The following LAMC3 variants were observed in gnomAD, a reference collection of about 807,000 sequenced individuals.
LAMC3 encodes the protein laminin subunit gamma 3, also known as laminin subunit gamma-3.
In LAMC3, 128 loss-of-function variants were observed where a neutral mutation model predicts 173.8. The ratio of observed to expected loss-of-function variants is 0.74; its 90% CI spans 0.64 to 0.85. LAMC3 has a LOEUF of 0.85. LAMC3 is among the 40% of genes least tolerant of loss of function. LAMC3 has a pLI of 0.00. For missense variants in LAMC3, 2,022 were observed against 2,156.0 expected, an observed-to-expected ratio of 0.94 and a Z score of 1.23; for synonymous variants, 897 against 909.1, an observed-to-expected ratio of 0.99 and a Z score of 0.24.
intron 10 of LAMC3, 81 bp from the exon 11 acceptor site, chr9:131,052,769 C>A: frequency 7.2e-7 from 1 of 1,386,670 alleles, no homozygotes; most frequent in Non-Finnish European, 1.0e-6. Flanking sequence ...CCCCTGTAGT[C>A]TGGGGGGCTA....
chr9:131,031,897 G>T (rs1057412044), intron 2 of LAMC3, 148 bp from the exon 3 acceptor site: 55 of 1,364,810 alleles, frequency 4.0e-5, no homozygotes, highest in Non-Finnish European at 5.6e-5. Context: ...CCTTATTTCT[G>T]CAGTGTTCTC....
Position 131,085,783 on chromosome 9 carries a change from G to A in LAMC3, c.4230+60G>A, listed in dbSNP as rs529245536. 3.5e-4 allele frequency: 542 copies of A among 1,532,138 alleles called. 2 individuals carry two copies. In the African/African-American group the frequency reaches 6.6e-3, roughly 19 times the overall value. 94.9% of individuals were successfully genotyped at this position (1,532,138 alleles called of 1,614,324 possible). A position where few individuals can be genotyped will look rare whatever the true frequency, so the allele number is the denominator to read the frequency against. ...TCCCTCCCGGGGGGACCGCCCTTCCGCGGGCCCCTTCCCGACATCCGTGCT... is the reference window on the plus strand; with the variant it reads ...TCCCTCCCGGGGGGACCGCCCTTCCACGGGCCCCTTCCCGACATCCGTGCT... On this transcript the variant is annotated intron_variant, in intron 25 of 27. Transcript: ENST00000361069.
At chr9:131,077,443 G>C (rs764960574) in intron 22 of LAMC3, 109 bp downstream of exon 22, 23 of 1,373,512 alleles carry the variant, frequency 1.7e-5, no homozygotes, top group Non-Finnish European at 2.3e-5. Flanking sequence ...TTGGGAGGCC[G>C]AGGCGGGTGG....
chr9:131,089,801 C>G (rs1016726929), intron 27 of LAMC3, among the ~76,000 whole-genome samples: 1 of 151,694 alleles, frequency 6.6e-6, no homozygotes, highest in African/African-American at 2.4e-5. Flanking sequence ...AGAGAATTGC[C>G]ATGCTCTACA....
At chr9:131,015,896 G>T (rs1029099191) in intron 1 of LAMC3, among the ~76,000 whole-genome samples, 1 of 152,218 alleles carries the variant, frequency 6.6e-6, no homozygotes, top group Non-Finnish European at 1.5e-5. Context: ...GACCTCAGGT[G>T]ATCTGCCCTC....
At chr9:131,020,884 G>A (rs1008595391) in intron 1 of LAMC3, among the ~76,000 whole-genome samples, 16 of 152,058 alleles carry the variant, frequency 1.1e-4, no homozygotes, top group African/African-American at 2.7e-4. Context: ...TCTGGCTTTC[G>A]GTTCTTTTGG....
Position 131,032,173 on chromosome 9 carries a change from CAGGTAGG to C in LAMC3, c.809+2_809+8del, listed in dbSNP as rs775851709. ...CCGTGTCCGACTTCTCTGTGGGCGG[CAGGTAGG>C]AGGGAGGAGGGAGGCAGGGTGGCAG... On this transcript the variant is annotated splice_donor_variant and splice_donor_5th_base_variant and coding_sequence_variant and intron_variant, in exon 3 of 28. Coordinates refer to ENST00000361069, the MANE Select transcript of LAMC3 (RefSeq NM_006059.4). LOFTEE classifies it high-confidence loss of function. The C allele has an allele frequency of 8.5e-5, 137 of 1,607,660 alleles. No individual in the cohort carries two copies. The highest frequency in any genetic ancestry group is 1.7e-4 in the Middle Eastern group (1 of 6,048).
In LAMC3 at chr9:131,056,811, T is replaced by A. The variant is rs966077295; in HGVS notation, c.1940-118T>A. 5.0e-6 allele frequency: 4 copies of A among 794,486 alleles called. No individual in the cohort carries two copies. In the African/African-American group the frequency reaches 6.7e-5, roughly 13 times the overall value. 49.2% of individuals were successfully genotyped at this position (794,486 alleles called of 1,614,324 possible). A position where few individuals can be genotyped will look rare whatever the true frequency, so the allele number is the denominator to read the frequency against. On this transcript the variant is annotated intron_variant, in intron 11 of 27. Transcript: ENST00000361069. ...TCTCAAAAAAAGAAAAATCATTGAT[T>A]GCTAGTCTGCCTTTATATACGTGGG...
intron 9 of LAMC3, among the ~76,000 whole-genome samples, chr9:131,049,589 A>G (rs11792482): frequency 0.057 from 8,693 of 152,202 alleles, 342 homozygotes; most frequent in South Asian, 0.12. Flanking sequence ...TATGGATTCC[A>G]GGGATTAGAA....
At chr9:131,074,192 C>A (rs1236656648) in intron 20 of LAMC3, among the ~76,000 whole-genome samples, 1 of 151,236 alleles carries the variant, frequency 6.6e-6, no homozygotes, top group Non-Finnish European at 1.5e-5. Flanking sequence ...CCGTGATCCA[C>A]CTGTCTCGGC....
At chr9:131,082,204 G>A (rs1259091462) in intron 24 of LAMC3, 43 bp downstream of exon 24, 14 of 1,388,758 alleles carry the variant, frequency 1.0e-5, no homozygotes, top group East Asian at 9.6e-5. Flanking sequence ...AATGACGAAC[G>A]CCCCTGACAG....
chr9:131,053,669 C>G (rs1273822753), intron 11 of LAMC3, among the ~76,000 whole-genome samples: 3 of 152,168 alleles, frequency 2.0e-5, no homozygotes, highest in Non-Finnish European at 4.4e-5. Context: ...CCCACCTCTA[C>G]TAAAAATACA....
chr9:131,051,916 G>A (rs1344301953), intron 9 of LAMC3, among the ~76,000 whole-genome samples: 2 of 152,186 alleles, frequency 1.3e-5, no homozygotes, highest in African/African-American at 4.8e-5. Context: ...AATGACATGA[G>A]TCAGAAGGTA....
intron 6 of LAMC3, among the ~76,000 whole-genome samples, chr9:131,039,646 G>A (rs1204806458): frequency 2.0e-5 from 3 of 151,990 alleles, no homozygotes; most frequent in Non-Finnish European, 4.4e-5. Flanking sequence ...GAACGCCTGG[G>A]CAGCCTGCAT....
chr9:131,017,181 T>C (rs1833536592), intron 1 of LAMC3, among the ~76,000 whole-genome samples: 1 of 152,048 alleles, frequency 6.6e-6, no homozygotes, highest in Non-Finnish European at 1.5e-5. Flanking sequence ...CGCGGGCTGC[T>C]GCGGGTCACC....
chr9:131,051,066 C>G (rs1032802593), intron 9 of LAMC3, among the ~76,000 whole-genome samples: 2 of 152,168 alleles, frequency 1.3e-5, no homozygotes, highest in Non-Finnish European at 2.9e-5. Flanking sequence ...AGGAAACGCT[C>G]TGGGGCAGAG....
At position 131,082,101 on chromosome 9, in the gene LAMC3, T is replaced by C. The variant is rs1830253060; in HGVS notation, c.3970T>C (p.Ser1324Pro). The C allele has an allele frequency of 6.2e-7, 1 of 1,614,010 alleles. No individual in the cohort carries two copies. Among genetic ancestry groups the C allele is most frequent in the Non-Finnish European group, 8.5e-7 (1 of 1,179,986 alleles). Residue 1324 changes from serine to proline, a missense_variant, in exon 24 of 28, where the codon TCT (serine) becomes CCT (proline). Ser to Pro is a moderately conservative substitution (Grantham distance 74, BLOSUM62 -1). Coordinates refer to ENST00000361069, the MANE Select transcript of LAMC3 (RefSeq NM_006059.4). Reference sequence around the variant, plus strand: ...AGCCGCCCTGACCCAGGCTTCCTCATCTGTCCAGGCTGCGACAGTGACTGT... The same window carrying C: ...AGCCGCCCTGACCCAGGCTTCCTCACCTGTCCAGGCTGCGACAGTGACTGT... ...ARAALTQASSSVQAATVTVMG... is the reference protein window; with the variant it reads ...ARAALTQASSPVQAATVTVMG...
At chr9:131,050,977 C>T (rs1834273163) in intron 9 of LAMC3, among the ~76,000 whole-genome samples, 1 of 152,164 alleles carries the variant, frequency 6.6e-6, no homozygotes, top group African/African-American at 2.4e-5. Flanking sequence ...AATCGGAGTG[C>T]AGCCGGGGCA....
chr9:131,058,373 G>A (rs1006714488), intron 12 of LAMC3, among the ~76,000 whole-genome samples: 1 of 151,866 alleles, frequency 6.6e-6, no homozygotes, highest in Admixed American at 6.6e-5. Flanking sequence ...TCAGCCTCCC[G>A]AAGTGCTGGG....
Sources: allele counts gnomAD v4.1 joint callset (sites outside exome capture counted in the v4.1 genomes callset), GRCh38; gene constraint gnomAD v4.1.1; transcripts MANE v1.5; gene names NCBI Gene and HGNC (gene_info 2026-07-23, HGNC 2026-07-21).